NAALADL2: variants seen among roughly 807,000 people sequenced by gnomAD.
NAALADL2 encodes N-acetylated alpha-linked acidic dipeptidase like 2, also known as inactive N-acetylated-alpha-linked acidic dipeptidase-like protein 2.
In NAALADL2, 76 loss-of-function variants were observed where a neutral mutation model predicts 87.2. The observed-to-expected ratio is 0.87, with a 90% CI of 0.72 to 1.05. The LOEUF (loss-of-function observed/expected upper bound fraction) is 1.05, where lower values mean the gene tolerates loss of function less well. Ranked by LOEUF, NAALADL2 falls within the 50% of genes least tolerant of loss-of-function variation. NAALADL2 has a pLI of 0.00. For missense variants in NAALADL2, 1,089 were observed against 945.8 expected (o/e 1.15, Z -1.99); for synonymous variants, 354 against 331.0 (o/e 1.07, Z -0.75).
At chr3:175,486,713 G>A (rs1172698750) in intron 9 of NAALADL2, among the ~76,000 whole-genome samples, 2 of 152,120 alleles carry the variant, frequency 1.3e-5, no homozygotes, top group Non-Finnish European at 2.9e-5. Flanking sequence ...CCATAACACA[G>A]ATTACTATAT....
chr3:174,505,201 T>G (rs1393316138), intron 1 of NAALADL2, among the ~76,000 whole-genome samples: 2 of 152,240 alleles, frequency 1.3e-5, no homozygotes, highest in Admixed American at 1.3e-4. Context: ...CACCACTATC[T>G]CCATAATCTC....
chr3:175,411,387 G>T (rs1297204057), intron 5 of NAALADL2, among the ~76,000 whole-genome samples: 3 of 152,138 alleles, frequency 2.0e-5, no homozygotes, highest in Non-Finnish European at 4.4e-5. Context: ...TAGAAATACT[G>T]GTCTGATTTT....
At chr3:174,663,710 T>C (rs185390583) in intron 2 of NAALADL2, among the ~76,000 whole-genome samples, 1 of 152,212 alleles carries the variant, frequency 6.6e-6, no homozygotes, top group East Asian at 1.9e-4. Context: ...AATTTTAACA[T>C]AAATTTTGTA....
chr3:175,736,757 G>T (rs1744556046), intron 11 of NAALADL2, among the ~76,000 whole-genome samples: 2 of 152,136 alleles, frequency 1.3e-5, no homozygotes. Context: ...GTAATTTGGG[G>T]AACTCAGAAA....
At chr3:174,786,387 G>C (rs576013268) in intron 3 of NAALADL2, among the ~76,000 whole-genome samples, 2 of 148,856 alleles carry the variant, frequency 1.3e-5, no homozygotes, top group South Asian at 4.3e-4. Context: ...GGAGGTGGAG[G>C]TTGCAGTGAG....
intron 11 of NAALADL2, among the ~76,000 whole-genome samples, chr3:175,667,216 A>AAAGT (rs1560942958): frequency 3.2e-5 from 4 of 125,474 alleles, no homozygotes; most frequent in Non-Finnish European, 6.2e-5. Context: ...AGAAAGAAAG[A>AAAGT]AAGAAAGAAA....
intron 5 of NAALADL2, among the ~76,000 whole-genome samples, chr3:175,325,129 A>T (rs207464093): frequency 2.0e-3 from 308 of 152,240 alleles, no homozygotes; most frequent in African/African-American, 7.1e-3. Context: ...GTAATTATTT[A>T]TGTGTTCTGC....
chr3:175,393,471 T>C (rs1253425008), intron 5 of NAALADL2, among the ~76,000 whole-genome samples: 1 of 152,012 alleles, frequency 6.6e-6, no homozygotes, highest in African/African-American at 2.4e-5. Flanking sequence ...TTTGTCTTTT[T>C]ATAATTTTTT....
At chr3:175,578,157 G>A (rs1056532523) in intron 10 of NAALADL2, among the ~76,000 whole-genome samples, 12 of 152,024 alleles carry the variant, frequency 7.9e-5, no homozygotes, top group African/African-American at 2.4e-4. Context: ...TAGGTGCAAC[G>A]GTTCATGCCT....
At chr3:174,816,822 T>C (rs909477287) in intron 3 of NAALADL2, among the ~76,000 whole-genome samples, 6 of 152,152 alleles carry the variant, frequency 3.9e-5, no homozygotes, top group Non-Finnish European at 7.4e-5. Context: ...GTATTGGTCA[T>C]TGCAAGGCAA....
chr3:175,478,897 C>T (rs957980100), intron 9 of NAALADL2, among the ~76,000 whole-genome samples: 1 of 151,798 alleles, frequency 6.6e-6, no homozygotes, highest in Non-Finnish European at 1.5e-5. Context: ...CCCTTAAACA[C>T]TGATCAAGTC....
chr3:175,306,510 C>A (rs879593224), intron 4 of NAALADL2, among the ~76,000 whole-genome samples: 1 of 152,034 alleles, frequency 6.6e-6, no homozygotes, highest in Non-Finnish European at 1.5e-5. Context: ...AGTCTCTGTT[C>A]TTATATAAAA....
At chr3:174,880,018 C>T (rs1423570002) in intron 1 of NAALADL2, among the ~76,000 whole-genome samples, 2 of 152,010 alleles carry the variant, frequency 1.3e-5, no homozygotes, top group African/African-American at 2.4e-5. Context: ...TGTTAATCTC[C>T]TTTGCTGTTT....
intron 5 of NAALADL2, among the ~76,000 whole-genome samples, chr3:175,367,792 T>C (rs1476760945): frequency 3.9e-5 from 6 of 152,288 alleles, no homozygotes; most frequent in Admixed American, 2.0e-4. Context: ...ACAATCATGT[T>C]GTCTGCAAAC....
intron 2 of NAALADL2, among the ~76,000 whole-genome samples, chr3:174,572,454 A>G (rs1392729124): frequency 6.6e-6 from 1 of 152,236 alleles, no homozygotes; most frequent in Non-Finnish European, 1.5e-5. Context: ...GATGAACTTG[A>G]GAAGCATTTA....
At chr3:174,492,175 CAGG>C (rs1246455045) in intron 1 of NAALADL2, among the ~76,000 whole-genome samples, 1 of 151,312 alleles carries the variant, frequency 6.6e-6, no homozygotes, top group Non-Finnish European at 1.5e-5. Flanking sequence ...GAGGCTGAGG[CAGG>C]AGAATTGCTG....
intron 3 of NAALADL2, among the ~76,000 whole-genome samples, chr3:174,746,108 G>T (rs1055780256): frequency 6.6e-6 from 1 of 152,012 alleles, no homozygotes; most frequent in Non-Finnish European, 1.5e-5. Flanking sequence ...AGAAATAAAG[G>T]GTATTCAAAT....
intron 2 of NAALADL2, among the ~76,000 whole-genome samples, chr3:174,587,310 G>A (rs903915755): frequency 2.0e-5 from 3 of 152,084 alleles, no homozygotes; most frequent in Non-Finnish European, 4.4e-5. Context: ...GCACACTGAT[G>A]GGTCTCGACT....
chr3:175,519,942 G>A (rs1345117950), intron 9 of NAALADL2, among the ~76,000 whole-genome samples: 1 of 152,092 alleles, frequency 6.6e-6, no homozygotes, highest in Non-Finnish European at 1.5e-5. Flanking sequence ...ATACTTTTTA[G>A]TGATTCTGTA....
Sources: gnomAD v4.1 joint callset for allele counts (sites outside exome capture counted in the v4.1 genomes callset) on GRCh38, gnomAD v4.1.1 for gene constraint, MANE v1.5 for transcripts, NCBI Gene and HGNC (gene_info 2026-07-23, HGNC 2026-07-21) for gene names.